The following MLLT10 variants were observed in gnomAD, a reference collection of about 807,000 sequenced individuals.
MLLT10 encodes the protein protein AF-10.
A neutral mutation model predicts 129.1 loss-of-function variants in MLLT10; 30 were observed. The ratio of observed to expected loss-of-function variants is 0.23; its 90% CI spans 0.17 to 0.32. The LOEUF (loss-of-function observed/expected upper bound fraction) is 0.32, where lower values mean the gene tolerates loss of function less well. Ranked by LOEUF, MLLT10 falls within the 10% of genes least tolerant of loss-of-function variation. The pLI is 1.00. For missense variants in MLLT10, 1,119 were observed against 1,268.3 expected (o/e 0.88, Z 1.79); for synonymous variants, 490 against 446.4 (o/e 1.10, Z -1.23).
At chr10:21,736,062 T>G (rs2058337797) in intron 21 of MLLT10, among the ~76,000 whole-genome samples, 1 of 152,178 alleles carries the variant, frequency 6.6e-6, no homozygotes, top group Non-Finnish European at 1.5e-5. Context: ...ATTCTCCATT[T>G]TTTTCAGGAT....
intron 22 of MLLT10, among the ~76,000 whole-genome samples, chr10:21,740,558 C>T (rs2058743237): frequency 6.6e-6 from 1 of 152,122 alleles, no homozygotes; most frequent in Non-Finnish European, 1.5e-5. Context: ...TAGAACCAGT[C>T]TATATATCTT....
intron 8 of MLLT10, among the ~76,000 whole-genome samples, chr10:21,647,529 T>C (rs2048612424): frequency 6.6e-6 from 1 of 152,182 alleles, no homozygotes; most frequent in Non-Finnish European, 1.5e-5. Flanking sequence ...TGTTTACATT[T>C]TCTCTAGTAA....
intron 5 of MLLT10, among the ~76,000 whole-genome samples, chr10:21,611,004 T>C (rs1156922091): frequency 1.3e-4 from 19 of 142,286 alleles, no homozygotes; most frequent in African/African-American, 4.4e-4. Flanking sequence ...TTTTTTTTTT[T>C]CCTTTTTTTG....
intron 8 of MLLT10, among the ~76,000 whole-genome samples, chr10:21,621,368 C>T (rs1356864404): frequency 1.3e-5 from 2 of 151,308 alleles, no homozygotes; most frequent in Non-Finnish European, 1.5e-5. Flanking sequence ...CCTCAGCCTC[C>T]CGAGTAGCTA....
intron 5 of MLLT10, among the ~76,000 whole-genome samples, chr10:21,606,632 G>A (rs2131173126): frequency 6.6e-6 from 1 of 152,306 alleles, no homozygotes; most frequent in African/African-American, 2.4e-5. Flanking sequence ...GTGGCCAATA[G>A]CAAGAGAGCT....
intron 13 of MLLT10, among the ~76,000 whole-genome samples, chr10:21,696,868 A>G (rs1446714768): frequency 2.6e-5 from 4 of 152,072 alleles, no homozygotes; most frequent in Non-Finnish European, 5.9e-5. Context: ...TCCACACTGT[A>G]GCCAAAGTGA....
At position 21,635,144 on chromosome 10, in the gene MLLT10, G is replaced by C. The variant is rs557849828; in HGVS notation, c.700-16529G>C. Among the ~76,000 whole-genome samples the C allele has an allele frequency of 7.9e-5, 12 of 152,210 alleles. No homozygotes were observed. In the South Asian group the frequency reaches 2.3e-3, roughly 29 times the overall value. On this transcript the variant is annotated intron_variant, in intron 8 of 22. Transcript: ENST00000307729. ...ACTGGCCAGTGCAGAACTCTTCCTG[G>C]TTTCAGCTGCGTTTCTCAAATTGGC...
At chr10:21,708,543 ACATTTTGCTC>A in intron 13 of MLLT10, 2 of 981,646 alleles carry the variant, frequency 2.0e-6, no homozygotes, top group Non-Finnish European at 2.4e-6. Context: ...TAGGAAAGGA[ACATTTTGCTC>A]TGTTTTTTTT....
chr10:21,535,905 C>G (rs986974484), intron 2 of MLLT10, among the ~76,000 whole-genome samples: 7 of 152,206 alleles, frequency 4.6e-5, no homozygotes, highest in Non-Finnish European at 1.0e-4. Context: ...TGTACTTACT[C>G]TGAGAATGCT....
At chr10:21,575,259 T>C (rs2040614139) in intron 3 of MLLT10, among the ~76,000 whole-genome samples, 1 of 152,170 alleles carries the variant, frequency 6.6e-6, no homozygotes, top group Middle Eastern at 3.2e-3. Flanking sequence ...TGGTGCGATC[T>C]TGGCTTACTG....
rs998433525 is a variant in MLLT10, at chr10:21,742,600, CTAAAGG to C, written c.*621_*626del. 1.4e-5 allele frequency: 3 copies of C among 220,220 alleles called. No homozygotes were observed. Among genetic ancestry groups the C allele is most frequent in the African/African-American group, 6.7e-5 (3 of 44,692 alleles). 13.6% of individuals were successfully genotyped at this position (220,220 alleles called of 1,614,324 possible). A position where few individuals can be genotyped will look rare whatever the true frequency, so the allele number is the denominator to read the frequency against. On this transcript the variant is annotated 3_prime_UTR_variant, in exon 23 of 23. Coordinates refer to ENST00000307729, the MANE Select transcript of MLLT10 (RefSeq NM_001195626.3). Reference sequence around the variant, plus strand: ...GTTAGGATGGTAATGTCTGCATCTGCTAAAGGTAATTTTCTTTTGAGAATTGCTTTC... The same window carrying C: ...GTTAGGATGGTAATGTCTGCATCTGCTAATTTTCTTTTGAGAATTGCTTTC...
rs773554943 is a variant in MLLT10 at position 21,734,083 on chromosome 10, G to T, written c.2812G>T (p.Val938Leu). The change falls in exon 20 of 23, where the codon GTA becomes TTA. Residue 938 changes from valine (V) to leucine (L), a missense_variant. Coordinates refer to ENST00000307729, the MANE Select transcript of MLLT10 (RefSeq NM_001195626.3). ...QNPTPLTHTT[V>L]PPNATHPMPA... ...CCCTACCCCTCTCACCCACACAACC[G>T]TACCACCTAATGCAACACATCCAAT... 3 of 1,613,426 alleles carry T rather than the reference G, an allele frequency of 1.9e-6. No individual in the cohort carries two copies. Among genetic ancestry groups the T allele is most frequent in the Admixed American group, 3.3e-5 (2 of 59,968 alleles).
chr10:21,605,839 A>T (rs1160398492), intron 5 of MLLT10, among the ~76,000 whole-genome samples: 2 of 152,184 alleles, frequency 1.3e-5, no homozygotes, highest in Non-Finnish European at 2.9e-5. Flanking sequence ...AATTTTAGTA[A>T]GATGTATAAG....
intron 17 of MLLT10, among the ~76,000 whole-genome samples, chr10:21,731,536 A>G (rs548649360): frequency 1.3e-5 from 2 of 152,336 alleles, no homozygotes; most frequent in African/African-American, 4.8e-5. Flanking sequence ...CAATTGTTAG[A>G]AGAAAACTTG....
At chr10:21,739,859 A>T (rs2058686331) in intron 21 of MLLT10, among the ~76,000 whole-genome samples, 171 bp from the exon 22 acceptor site, 1 of 152,104 alleles carries the variant, frequency 6.6e-6, no homozygotes, top group Non-Finnish European at 1.5e-5. Context: ...AGATACTGAC[A>T]TTTTATAGTA....
At chr10:21,602,002 T>G (rs918336311) in intron 5 of MLLT10, among the ~76,000 whole-genome samples, 13 of 152,176 alleles carry the variant, frequency 8.5e-5, no homozygotes, top group Admixed American at 2.6e-4. Context: ...GGTATTAAAA[T>G]AAGACAGGTC....
intron 13 of MLLT10, among the ~76,000 whole-genome samples, chr10:21,686,211 A>G (rs1419304667): frequency 6.6e-6 from 1 of 152,154 alleles, no homozygotes. Flanking sequence ...CCAAACATGA[A>G]ATACAAGGCA....
At chr10:21,704,100 C>T (rs142410831) in intron 13 of MLLT10, among the ~76,000 whole-genome samples, 1 of 147,460 alleles carries the variant, frequency 6.8e-6, no homozygotes, top group African/African-American at 2.5e-5. Flanking sequence ...GCCTCTGCCC[C>T]CTAGGTTCAA....
chr10:21,596,568 G>C (rs2043032726), intron 5 of MLLT10, among the ~76,000 whole-genome samples: 3 of 151,218 alleles, frequency 2.0e-5, no homozygotes, highest in Non-Finnish European at 1.5e-5. Flanking sequence ...ATGTGAGATT[G>C]CTCATAACCC....
Sources: gnomAD v4.1 joint callset for allele counts (sites outside exome capture counted in the v4.1 genomes callset) on GRCh38, gnomAD v4.1.1 for gene constraint, MANE v1.5 for transcripts, NCBI Gene and HGNC (gene_info 2026-07-23, HGNC 2026-07-21) for gene names.